The following KDM1B variants were observed in gnomAD, a reference collection of about 807,000 sequenced individuals.
The protein encoded by KDM1B is lysine demethylase 1B.
Under a neutral mutation model 107.4 loss-of-function variants are expected in KDM1B, and 63 were observed. The observed-to-expected ratio is 0.59, with a 90% CI of 0.48 to 0.72. The LOEUF is 0.72. Among genes scored for constraint, KDM1B ranks in the 30% least tolerant of loss-of-function variants. The probability of loss-of-function intolerance (pLI) is 0.00; values close to 1 mark genes in which losing one functional copy is unlikely to be tolerated. For missense variants in KDM1B, 749 were observed against 1,020.8 expected, an observed-to-expected ratio of 0.73 and a Z score of 3.63; for synonymous variants, 363 against 363.9, an observed-to-expected ratio of 1.00 and a Z score of 0.03.
intron 21 of KDM1B, among the ~76,000 whole-genome samples, chr6:18,220,517 G>A (rs1789610462): frequency 6.6e-6 from 1 of 152,084 alleles, no homozygotes; most frequent in Non-Finnish European, 1.5e-5. Context: ...CTGCACTCCA[G>A]CCTGGGAGAC....
At chr6:18,183,862 G>T (rs1786650037) in intron 7 of KDM1B, among the ~76,000 whole-genome samples, 1 of 151,722 alleles carries the variant, frequency 6.6e-6, no homozygotes, top group African/African-American at 2.4e-5. Context: ...TCTAGTTTTT[G>T]GCTGTTACAT....
Position 18,215,078 on chromosome 6 carries a change from A to G in KDM1B, c.2181A>G (p.Lys727=). The G allele has an allele frequency of 6.2e-7, 1 of 1,613,884 alleles. No individual in the cohort carries two copies. Among genetic ancestry groups the G allele is most frequent in the Non-Finnish European group, 8.5e-7 (1 of 1,179,986 alleles). ...AVASVRTLDD[K]QVLQQCMATL... ...CATCCGTGAGGACCCTGGATGACAAACAGGTGCTGCAGCAGTGCATGGCCA... is the reference window on the plus strand; with the variant it reads ...CATCCGTGAGGACCCTGGATGACAAGCAGGTGCTGCAGCAGTGCATGGCCA... The change falls in exon 20 of 22, where the codon AAA becomes AAG. Residue 727 remains lysine, a synonymous_variant. Coordinates refer to ENST00000650836, the MANE Select transcript of KDM1B (RefSeq NM_001364614.2).
chr6:18,168,035 C>T (rs1349832655), intron 6 of KDM1B, among the ~76,000 whole-genome samples: 2 of 152,184 alleles, frequency 1.3e-5, no homozygotes, highest in African/African-American at 4.8e-5. Flanking sequence ...GTTAGGATTA[C>T]AGGTGTGAGC....
chr6:18,201,659 T>C lies in KDM1B; in HGVS notation c.1531+2T>C. The C allele has an allele frequency of 6.5e-7, 1 of 1,546,090 alleles. No individual in the cohort carries two copies. The highest frequency in any genetic ancestry group is 8.7e-7 in the Non-Finnish European group (1 of 1,145,376). On this transcript the variant is annotated splice_donor_variant, in intron 14 of 21. Transcript: ENST00000650836. LOFTEE classifies it high-confidence loss of function. The surrounding 1 kb of genome is among the most constrained non-coding windows in gnomAD (Gnocchi z 4.3). Reference sequence around the variant, plus strand: ...AGCTCCAAGATGTCCCTTTAGGAGGTATGGGGAGAACGGTGTTCTGATTGT... The same window carrying C: ...AGCTCCAAGATGTCCCTTTAGGAGGCATGGGGAGAACGGTGTTCTGATTGT...
intron 2 of KDM1B, among the ~76,000 whole-genome samples, chr6:18,156,577 AT>A (rs1190793762): frequency 6.6e-6 from 1 of 152,204 alleles, no homozygotes; most frequent in African/African-American, 2.4e-5. Context: ...TGCTGGGAGA[AT>A]CAACAAAAGA....
At chr6:18,208,956 A>G (rs1176158099) in intron 17 of KDM1B, among the ~76,000 whole-genome samples, 1 of 151,924 alleles carries the variant, frequency 6.6e-6, no homozygotes, top group Non-Finnish European at 1.5e-5. Context: ...GCTCCGCCCA[A>G]ATAGAAGTAT....
Position 18,212,815 on chromosome 6 carries a change from T to G in KDM1B, c.1983+211T>G, listed in dbSNP as rs188913928. 1.1e-4 allele frequency among the ~76,000 whole-genome samples: 16 copies of G among 152,370 alleles called. No homozygotes were observed. In the East Asian group the frequency reaches 3.1e-3, roughly 29 times the overall value. On this transcript the variant is annotated intron_variant, in intron 18 of 21. Transcript: ENST00000650836. The surrounding 1 kb of genome is among the most constrained non-coding windows in gnomAD (Gnocchi z 5.2). ...GGCTGAGGTCTGTGAGTTTTGACTT[T>G]AGGAGAAAGAATCTTGTTATTCACA...
rs1198111105 is a variant in KDM1B at position 18,212,728 on chromosome 6, C to T, written c.1983+124C>T. The T allele has an allele frequency of 1.4e-5, 10 of 714,846 alleles. No individual in the cohort carries two copies. The highest frequency in any genetic ancestry group is 2.5e-5 in the Non-Finnish European group (10 of 400,956). 44.3% of individuals were successfully genotyped at this position (714,846 alleles called of 1,614,324 possible). On this transcript the variant is annotated intron_variant, in intron 18 of 21. Transcript: ENST00000650836. The surrounding 1 kb of genome is among the most constrained non-coding windows in gnomAD (Gnocchi z 5.2). ...AAATAAAACTCAAGGATTTCCTTTT[C>T]ATTTGAGTAATTGTTCGTGAAGAAC...
At position 18,222,136 on chromosome 6, in the gene KDM1B, C is replaced by A; in HGVS notation, c.*144C>A. On this transcript the variant is annotated 3_prime_UTR_variant, in exon 22 of 22. Transcript: ENST00000650836. ...TCTAAGGCGATATGATAATGCAAACCTATTTCATCACTCTAAAAGCACTGA... is the reference window on the plus strand; with the variant it reads ...TCTAAGGCGATATGATAATGCAAACATATTTCATCACTCTAAAAGCACTGA... The A allele has an allele frequency of 1.3e-6, 1 of 777,136 alleles. No individual in the cohort carries two copies. The highest frequency in any genetic ancestry group is 2.3e-6 in the Non-Finnish European group (1 of 440,854). 48.1% of individuals were successfully genotyped at this position (777,136 alleles called of 1,614,324 possible).
chr6:18,197,537 A>G lies in KDM1B; in HGVS notation c.1147-50A>G. ...GCAGTTCCGGAACAACTAAAACAGG[A>G]CGTTGTTATCATCTGCTCTAATTGG... On this transcript the variant is annotated intron_variant, in intron 11 of 21. Coordinates refer to ENST00000650836, the MANE Select transcript of KDM1B (RefSeq NM_001364614.2). This position sits in a 1 kb window ranked among gnomAD's most constrained non-coding sequence, Gnocchi z 4.5. 7.2e-7 allele frequency: 1 copy of G among 1,386,692 alleles called. No homozygotes were observed. The highest frequency in any genetic ancestry group is 1.0e-6 in the Non-Finnish European group (1 of 976,926). The allele number at this position is 1,386,692 out of a possible 1,614,324, so 85.9% of individuals were successfully genotyped here.
chr6:18,171,333 G>T, intron 6 of KDM1B, 30 bp from the exon 7 acceptor site: 1 of 1,076,526 alleles, frequency 9.3e-7, no homozygotes. Flanking sequence ...TAGCTCACTT[G>T]TTCATCTTGA....
intron 4 of KDM1B, 126 bp downstream of exon 4, chr6:18,161,580 T>C: frequency 9.9e-7 from 1 of 1,011,148 alleles, no homozygotes; most frequent in Non-Finnish European, 1.4e-6. Flanking sequence ...AATCTAATAA[T>C]AGAGACATTG....
At chr6:18,218,378 C>G (rs982142943) in intron 21 of KDM1B, among the ~76,000 whole-genome samples, 1 of 152,146 alleles carries the variant, frequency 6.6e-6, no homozygotes, top group African/African-American at 2.4e-5. Flanking sequence ...CCACCTCAGC[C>G]TCCCAGAGTG....
In KDM1B at chr6:18,215,204, C is replaced by G. The variant is rs151095747; in HGVS notation, c.2232+75C>G. ...CAGAGCAGGTGTGAAGCCCAAGCAGCCAGCGTCACTGAGAATCACAGGAAG... is the reference window on the plus strand; with the variant it reads ...CAGAGCAGGTGTGAAGCCCAAGCAGGCAGCGTCACTGAGAATCACAGGAAG... On this transcript the variant is annotated intron_variant, in intron 20 of 21. Transcript: ENST00000650836. 2,433 of 1,495,742 alleles carry G rather than the reference C, an allele frequency of 1.6e-3. 27 individuals carry two copies. The African/African-American group carries it at 0.03, about 18-fold the overall frequency. The allele number at this position is 1,495,742 out of a possible 1,614,324, so 92.7% of individuals were successfully genotyped here. A position where few individuals can be genotyped will look rare whatever the true frequency, so the allele number is the denominator to read the frequency against.
At chr6:18,189,782 A>G (rs1787150744) in intron 9 of KDM1B, among the ~76,000 whole-genome samples, 1 of 152,208 alleles carries the variant, frequency 6.6e-6, no homozygotes, top group Admixed American at 6.5e-5. Flanking sequence ...CACTACTGAC[A>G]TAATCAGGGG....
At chr6:18,180,526 GTAATACTACAT>G (rs1786389192) in intron 7 of KDM1B, among the ~76,000 whole-genome samples, 1 of 152,180 alleles carries the variant, frequency 6.6e-6, no homozygotes, top group South Asian at 2.1e-4. Context: ...GATGATTTGT[GTAATACTACAT>G]TAATCAATAC....
At chr6:18,216,987 A>G (rs1789283776) in intron 20 of KDM1B, among the ~76,000 whole-genome samples, 1 of 152,212 alleles carries the variant, frequency 6.6e-6, no homozygotes, top group African/African-American at 2.4e-5. Flanking sequence ...AATGTGAAAC[A>G]TAACCTTGTA....
At chr6:18,171,098 G>A (rs1472528483) in intron 6 of KDM1B, among the ~76,000 whole-genome samples, 1 of 152,196 alleles carries the variant, frequency 6.6e-6, no homozygotes, top group Non-Finnish European at 1.5e-5. Context: ...GGGATTACAG[G>A]CGTGAGCCAC....
chr6:18,186,015 A>G lies in KDM1B; in HGVS notation c.573+205A>G, dbSNP rs933248634. Among the ~76,000 whole-genome samples, 2 of 152,246 alleles carry G rather than the reference A, an allele frequency of 1.3e-5. No homozygotes were observed. The highest frequency in any genetic ancestry group is 2.9e-5 in the Non-Finnish European group (2 of 68,046). On this transcript the variant is annotated intron_variant, in intron 8 of 21. Transcript: ENST00000650836. The surrounding 1 kb of genome is among the most constrained non-coding windows in gnomAD (Gnocchi z 5.6). ...CCTGTCCCCAACTTAAAAAATAAAA[A>G]TAAAGTTATGTTGCTTTTCATTAAA...
Sources: allele counts gnomAD v4.1 joint callset (sites outside exome capture counted in the v4.1 genomes callset), GRCh38; gene constraint gnomAD v4.1.1; non-coding constraint Gnocchi (gnomAD v3.1); transcripts MANE v1.5; gene names NCBI Gene and HGNC (gene_info 2026-07-23, HGNC 2026-07-21).